LNX1: variants seen among roughly 807,000 people sequenced by gnomAD.
LNX1 encodes the protein E3 ubiquitin-protein ligase LNX.
Under a neutral mutation model 68.4 loss-of-function variants are expected in LNX1, and 54 were observed. The ratio of observed to expected loss-of-function variants is 0.79; its 90% CI spans 0.63 to 0.99. The LOEUF is 0.99. Among genes scored for constraint, LNX1 ranks in the 50% least tolerant of loss-of-function variants. LNX1 has a pLI of 0.00. For missense variants in LNX1, 906 were observed against 926.4 expected, an observed-to-expected ratio of 0.98 and a Z score of 0.29; for synonymous variants, 336 against 350.0, an observed-to-expected ratio of 0.96 and a Z score of 0.45.
At position 53,494,218 on chromosome 4, in the gene LNX1, GT is replaced by G. The variant is rs1724898896; in HGVS notation, c.1350+1804del. ...GTAGTAAGTCTCACAAGATCCAATGGTTTTATAAAGGTTTCCCCTTTTGCTT... is the reference window on the plus strand; with the variant it reads ...GTAGTAAGTCTCACAAGATCCAATGGTTTATAAAGGTTTCCCCTTTTGCTT... On this transcript the variant is annotated intron_variant, in intron 6 of 10. Coordinates refer to ENST00000263925, the MANE Select transcript of LNX1 (RefSeq NM_001126328.3). 2.6e-5 allele frequency among the ~76,000 whole-genome samples: 4 copies of G among 152,290 alleles called. No individual in the cohort carries two copies. The South Asian group carries it at 8.3e-4, about 32-fold the overall frequency.
At chr4:53,625,138 A>C (rs1411028971) in intron 1 of LNX1, among the ~76,000 whole-genome samples, 2 of 152,202 alleles carry the variant, frequency 1.3e-5, no homozygotes, top group African/African-American at 4.8e-5. Context: ...GAAAAAACAT[A>C]AGAGTAAATC....
intron 1 of LNX1, among the ~76,000 whole-genome samples, chr4:53,581,083 G>T (rs1471180390): frequency 1.3e-5 from 2 of 152,082 alleles, no homozygotes; most frequent in African/African-American, 4.8e-5. Flanking sequence ...GGTGCTCCGT[G>T]TCCCCACCCC....
chr4:53,523,901 A>C (rs1727426212), intron 2 of LNX1, among the ~76,000 whole-genome samples: 1 of 152,236 alleles, frequency 6.6e-6, no homozygotes, highest in Admixed American at 6.5e-5. Context: ...GGTTATTTAT[A>C]GTCATGGAAT....
At chr4:53,584,354 T>G (rs1732031362) in intron 1 of LNX1, among the ~76,000 whole-genome samples, 1 of 152,106 alleles carries the variant, frequency 6.6e-6, no homozygotes, top group South Asian at 2.1e-4. Context: ...CCAATACATT[T>G]AAGTCTAATT....
chr4:53,606,188 AG>A (rs1171546190), intron 2 of LNX1, among the ~76,000 whole-genome samples: 1 of 149,798 alleles, frequency 6.7e-6, no homozygotes, highest in African/African-American at 2.5e-5. Flanking sequence ...ACCACTAGGT[AG>A]ACTAATAAAG....
At chr4:53,509,102 C>T (rs1268691134) in intron 2 of LNX1, among the ~76,000 whole-genome samples, 3 of 152,164 alleles carry the variant, frequency 2.0e-5, no homozygotes, top group East Asian at 1.9e-4. Context: ...CACTGCCACT[C>T]GGCAAGTCAT....
chr4:53,556,616 CATT>C (rs1229456608), intron 2 of LNX1, among the ~76,000 whole-genome samples: 1 of 152,308 alleles, frequency 6.6e-6, no homozygotes, highest in East Asian at 1.9e-4. Flanking sequence ...TCTGCAAGGT[CATT>C]ATTTCCTCAG....
At chr4:53,648,594 A>G (rs191374800) in intron 1 of LNX1, among the ~76,000 whole-genome samples, 1 of 152,226 alleles carries the variant, frequency 6.6e-6, no homozygotes, top group Admixed American at 6.5e-5. Flanking sequence ...TGGTGCCCAG[A>G]CATTTTTTAT....
At chr4:53,560,894 G>T (rs1730238198) in intron 2 of LNX1, among the ~76,000 whole-genome samples, 1 of 152,106 alleles carries the variant, frequency 6.6e-6, no homozygotes, top group Admixed American at 6.5e-5. Context: ...AATCCCTTGG[G>T]GCTAAAACCC....
intron 2 of LNX1, among the ~76,000 whole-genome samples, chr4:53,546,965 AC>A (rs969646679): frequency 5.9e-5 from 9 of 152,272 alleles, no homozygotes; most frequent in Admixed American, 5.2e-4. Flanking sequence ...TAAGCTAGTT[AC>A]CCCTTTCTCA....
chr4:53,618,274 A>C (rs1733750876), upstream of LNX1, among the ~76,000 whole-genome samples: 1 of 152,202 alleles, frequency 6.6e-6, no homozygotes, highest in Non-Finnish European at 1.5e-5. Flanking sequence ...ATGATGCAGG[A>C]CTTGAGCCTT....
At chr4:53,536,366 C>G (rs925899381) in intron 2 of LNX1, among the ~76,000 whole-genome samples, 5 of 152,128 alleles carry the variant, frequency 3.3e-5, no homozygotes, top group Admixed American at 1.3e-4. Context: ...ACGCCACACA[C>G]AGTCAAAGTC....
chr4:53,612,508 T>A (rs1326433905), intron 2 of LNX1, among the ~76,000 whole-genome samples: 1 of 152,142 alleles, frequency 6.6e-6, no homozygotes, highest in Non-Finnish European at 1.5e-5. Context: ...CTGAATAAAT[T>A]ATGGCATATC....
At chr4:53,526,595 A>G (rs1727627231) in intron 2 of LNX1, among the ~76,000 whole-genome samples, 1 of 151,800 alleles carries the variant, frequency 6.6e-6, no homozygotes, top group South Asian at 2.1e-4. Context: ...GGAAGTAAAT[A>G]GCCCCTATCT....
intron 2 of LNX1, among the ~76,000 whole-genome samples, chr4:53,520,948 C>T (rs1328572958): frequency 6.6e-6 from 1 of 152,048 alleles, no homozygotes; most frequent in Non-Finnish European, 1.5e-5. Context: ...GGCAATGGTT[C>T]GAGATTGTCT....
chr4:53,591,101 G>T (rs1732479890), intron 1 of LNX1, among the ~76,000 whole-genome samples: 1 of 152,034 alleles, frequency 6.6e-6, no homozygotes. Flanking sequence ...TTCTCTTTAG[G>T]TTGTTGTTGT....
At chr4:53,579,387 C>CA (rs1177474417) in intron 1 of LNX1, 2 of 438,720 alleles carry the variant, frequency 4.6e-6, no homozygotes, top group Non-Finnish European at 6.0e-6. Context: ...TATATGGAGC[C>CA]AAAACCCCCA....
chr4:53,516,933 T>C (rs1726831120), intron 2 of LNX1, among the ~76,000 whole-genome samples: 1 of 152,206 alleles, frequency 6.6e-6, no homozygotes, highest in Non-Finnish European at 1.5e-5. Flanking sequence ...AGAGACTCCC[T>C]GACCATCAAT....
upstream of LNX1, among the ~76,000 whole-genome samples, chr4:53,621,539 T>G (rs1336675882): frequency 3.3e-5 from 5 of 152,194 alleles, no homozygotes; most frequent in Admixed American, 6.5e-5. Flanking sequence ...ATACCCAGTG[T>G]GGACACTGCC....
Sources: gnomAD v4.1 joint callset for allele counts (sites outside exome capture counted in the v4.1 genomes callset) on GRCh38, gnomAD v4.1.1 for gene constraint, MANE v1.5 for transcripts, NCBI Gene and HGNC (gene_info 2026-07-23, HGNC 2026-07-21) for gene names.